Variants in FGFR3 observed in about 807,000 individuals in gnomAD.
The protein encoded by FGFR3 is fibroblast growth factor receptor 3, also known as FGFR-3.
FGFR3 carries 25 observed loss-of-function variants against 82.9 expected under a neutral mutation model. That is an observed-to-expected ratio of 0.30 (90% CI 0.22 to 0.42). The LOEUF (loss-of-function observed/expected upper bound fraction) is 0.42. Ranked by LOEUF, FGFR3 falls within the 10% of genes least tolerant of loss-of-function variation. The probability of loss-of-function intolerance (pLI) is 1.00; values close to 1 mark genes in which losing one functional copy is unlikely to be tolerated. For missense variants in FGFR3, 1,026 were observed against 1,161.0 expected (o/e 0.88, Z 1.69); for synonymous variants, 620 against 516.0 (o/e 1.20, Z -2.73).
chr4:1,801,775 G>T (rs907538224), intron 6 of FGFR3, 32 bp downstream of exon 6: 4 of 1,587,022 alleles, frequency 2.5e-6, no homozygotes, highest in Admixed American at 3.4e-5. Flanking sequence ...GGGGGTGGGG[G>T]CGGCAGTGGC....
chr4:1,801,452 A>AGCCTGCCT lies in FGFR3; in HGVS notation c.534_535insTGCCTGCC (p.Ala179CysfsTer14). 1 of 1,553,184 alleles carries AGCCTGCCT rather than the reference A, an allele frequency of 6.4e-7. No homozygotes were observed. Among genetic ancestry groups the AGCCTGCCT allele is most frequent in the African/African-American group, 1.4e-5 (1 of 73,352 alleles). ...CCAACACCGTCCGCTTCCGCTGCCC[A>AGCCTGCCT]GCCGCTGGCAACCCCACTCCCTCCA... On this transcript the variant is annotated frameshift_variant, in exon 5 of 18. Transcript: ENST00000440486. LOFTEE classifies it high-confidence loss of function.
chr4:1,807,080 CGGT>C, intron 17 of FGFR3, 33 bp from the exon 18 acceptor site: 1 of 1,556,742 alleles, frequency 6.4e-7, no homozygotes, highest in Non-Finnish European at 8.7e-7. Flanking sequence ...AAGAGGGGCT[CGGT>C]GGCACAGCGC....
At chr4:1,803,495 G>T in intron 7 of FGFR3, among the ~76,000 whole-genome samples, 197 bp from the exon 8 acceptor site, 1 of 152,258 alleles carries the variant, frequency 6.6e-6, no homozygotes, top group South Asian at 2.1e-4. Flanking sequence ...GCCGGTGGAG[G>T]GGCCTGGCTT....
intron 10 of FGFR3, 29 bp downstream of exon 10, chr4:1,804,998 T>G (rs2108800660): frequency 6.5e-7 from 1 of 1,531,168 alleles, no homozygotes; most frequent in East Asian, 2.4e-5. Context: ...CAGCGTTGGC[T>G]GTAGGGGGCT....
Position 1,799,409 on chromosome 4 carries a change from G to C in FGFR3, c.265G>C (p.Val89Leu), listed in dbSNP as rs1490206171. 2 of 1,611,978 alleles carry C rather than the reference G, an allele frequency of 1.2e-6. No individual in the cohort carries two copies. Among genetic ancestry groups the C allele is most frequent in the African/African-American group, 2.7e-5 (2 of 74,918 alleles). ...TGLVPSERVL[V>L]GPQRLQVLNA... ...GCTGGTGCCCTCGGAGCGTGTCCTGGTGGGGCCCCAGCGGCTGCAGGTGCT... is the reference window on the plus strand; with the variant it reads ...GCTGGTGCCCTCGGAGCGTGTCCTGCTGGGGCCCCAGCGGCTGCAGGTGCT... The change falls in exon 3 of 18, where the codon GTG (valine) becomes CTG (leucine). Residue 89 changes from valine to leucine, a missense_variant. Transcript: ENST00000440486.
chr4:1,804,454 C>G lies in FGFR3; in HGVS notation c.1200C>G (p.Ser400Arg). 1 of 1,612,388 alleles carries G rather than the reference C, an allele frequency of 6.2e-7. No individual in the cohort carries two copies. The highest frequency in any genetic ancestry group is 8.5e-7 in the Non-Finnish European group (1 of 1,179,548). The change falls in exon 9 of 18, where the codon AGC becomes AGG. Residue 400 changes from serine (S) to arginine (R), a missense_variant. Ser to Arg is a moderately radical substitution (Grantham distance 110). This residue lies in a region of FGFR3 where 256 missense variants were observed against 217.6 expected (regional missense o/e 1.18). Coordinates refer to ENST00000440486, the MANE Select transcript of FGFR3 (RefSeq NM_000142.5). ...VAAVTLCRLR[S>R]PPKKGLGSPT... ...CTGTGACGCTCTGCCGCCTGCGCAGCCCCCCCAAGAAAGGCCTGGGCTCCC... is the reference window on the plus strand; with the variant it reads ...CTGTGACGCTCTGCCGCCTGCGCAGGCCCCCCAAGAAAGGCCTGGGCTCCC...
rs4647926 is a variant in FGFR3 at position 1,804,285 on chromosome 4, TGGG to T, written c.1076-36_1076-34del. On this transcript the variant is annotated intron_variant, in intron 8 of 17. Transcript: ENST00000440486. ...GCCAGGGGCATCCATGGGAGCCCCG[TGGG>T]GGGGGGGGCCAGGCCAGGCCTCAAC... The T allele has an allele frequency of 4.6e-6, 6 of 1,298,650 alleles. No individual in the cohort carries two copies. The African/African-American group carries it at 9.2e-5, about 20-fold the overall frequency. The allele number at this position is 1,298,650 out of a possible 1,614,324, so 80.4% of individuals were successfully genotyped here.
chr4:1,798,838 C>G (rs1720844010), intron 2 of FGFR3, among the ~76,000 whole-genome samples: 1 of 152,324 alleles, frequency 6.6e-6, no homozygotes, highest in East Asian at 1.9e-4. Flanking sequence ...CCTTTGCCCG[C>G]AGCACCTGCC....
chr4:1,801,792 G>A (rs1210171518), intron 6 of FGFR3, 43 bp from the exon 7 acceptor site: 2 of 1,594,362 alleles, frequency 1.3e-6, no homozygotes, highest in Admixed American at 1.7e-5. Context: ...TGGCGGTGGT[G>A]GTGAGGGAGG....
chr4:1,807,398 T>TCC lies in FGFR3; in HGVS notation c.*136_*137insCC. On this transcript the variant is annotated 3_prime_UTR_variant, in exon 18 of 18. Coordinates refer to ENST00000440486, the MANE Select transcript of FGFR3 (RefSeq NM_000142.5). ...GAGCTTTGGTCTGTGTGTGTGTGTG[T>TCC]GCGTGTGTGTGTGTGTGTGTGCACA... 1 of 985,030 alleles carries TCC rather than the reference T, an allele frequency of 1.0e-6. No individual in the cohort carries two copies. The highest frequency in any genetic ancestry group is 1.4e-6 in the Non-Finnish European group (1 of 707,872). 61.0% of individuals were successfully genotyped at this position (985,030 alleles called of 1,614,324 possible).
Position 1,794,030 on chromosome 4 carries a change from G to A in FGFR3, c.96G>A (p.Val32=). The change falls in exon 2 of 18, where the codon GTG becomes GTA. Residue 32 remains valine (V), a synonymous_variant. Transcript: ENST00000440486. ...CCTTGGGGACGGAGCAGCGCGTCGT[G>A]GGGCGAGCGGCAGGTAAGAAGGGAC... ...SESLGTEQRV[V]GRAAEVPGPE... 1 of 1,411,206 alleles carries A rather than the reference G, an allele frequency of 7.1e-7. No homozygotes were observed. The highest frequency in any genetic ancestry group is 3.0e-5 in the East Asian group (1 of 33,884). The allele number at this position is 1,411,206 out of a possible 1,614,324, so 87.4% of individuals were successfully genotyped here.
intron 8 of FGFR3, 37 bp downstream of exon 8, chr4:1,803,873 C>T (rs1560428161): frequency 3.1e-6 from 5 of 1,598,636 alleles, no homozygotes; most frequent in South Asian, 1.1e-5. Flanking sequence ...TCCGCACTGT[C>T]TGGGGGACGC....
In FGFR3 at chr4:1,803,867, C is replaced by T. The variant is rs772892645; in HGVS notation, c.1075+31C>T. 3.1e-6 allele frequency: 5 copies of T among 1,606,226 alleles called. No individual in the cohort carries two copies. In the South Asian group the frequency reaches 4.4e-5, roughly 14 times the overall value. ...GGCTTCTGCTGCTGCTGCTGCTCCG[C>T]ACTGTCTGGGGGACGCTGGCTCGGG... is the stretch of plus-strand genomic sequence containing the variant. On this transcript the variant is annotated intron_variant, in intron 8 of 17. Transcript: ENST00000440486.
chr4:1,802,807 G>A (rs1395731109), intron 7 of FGFR3: 2 of 1,391,524 alleles, frequency 1.4e-6, no homozygotes, highest in Non-Finnish European at 1.9e-6. Context: ...CTTTGGGGCT[G>A]ACGCAGCCCA....
At position 1,807,351 on chromosome 4, in the gene FGFR3, C is replaced by T. The variant is rs1174283363; in HGVS notation, c.*89C>T. ...CCACTCCCCGGCATGAGACTCAGTGCAGATGGAGAGACAGCTACACAGAGC... is the reference window on the plus strand; with the variant it reads ...CCACTCCCCGGCATGAGACTCAGTGTAGATGGAGAGACAGCTACACAGAGC... On this transcript the variant is annotated 3_prime_UTR_variant, in exon 18 of 18. Transcript: ENST00000440486. The T allele has an allele frequency of 6.7e-6, 10 of 1,498,904 alleles. No homozygotes were observed. The highest frequency in any genetic ancestry group is 2.8e-5 in the African/African-American group (2 of 72,260). The allele number at this position is 1,498,904 out of a possible 1,614,324, so 92.9% of individuals were successfully genotyped here. A position where few individuals can be genotyped will look rare whatever the true frequency, so the allele number is the denominator to read the frequency against.
intron 4 of FGFR3, among the ~76,000 whole-genome samples, chr4:1,800,740 G>T (rs766684575): frequency 6.6e-6 from 1 of 152,148 alleles, no homozygotes; most frequent in African/African-American, 2.4e-5. Context: ...ATCCTTGCCT[G>T]GAGTCCCGGC....
chr4:1,793,549 A>C (rs946643444), intron 1 of FGFR3, 84 bp downstream of exon 1: 1 of 146,290 alleles, frequency 6.8e-6, no homozygotes, highest in Non-Finnish European at 1.5e-5. Context: ...GCGGAACCAC[A>C]GAGGTCCCTG....
At position 1,805,397 on chromosome 4, in the gene FGFR3, G is replaced by A. The variant is rs377021699; in HGVS notation, c.1455G>A (p.Gln485=). The change falls in exon 11 of 18, where the codon CAG becomes CAA. Residue 485 remains glutamine (Q), a synonymous_variant. Coordinates refer to ENST00000440486, the MANE Select transcript of FGFR3 (RefSeq NM_000142.5). ...GKPLGEGCFG[Q]VVMAEAIGID... Reference sequence around the variant, plus strand: ...CCCTTGGGGAGGGCTGCTTCGGCCAGGTGGTCATGGCGGAGGCCATCGGCA... The same window carrying A: ...CCCTTGGGGAGGGCTGCTTCGGCCAAGTGGTCATGGCGGAGGCCATCGGCA... The A allele has an allele frequency of 1.7e-5, 27 of 1,612,400 alleles. No homozygotes were observed. The highest frequency in any genetic ancestry group is 8.8e-5 in the South Asian group (8 of 91,038).
intron 2 of FGFR3, among the ~76,000 whole-genome samples, chr4:1,795,281 C>T (rs1306728097): frequency 6.6e-6 from 1 of 152,112 alleles, no homozygotes; most frequent in South Asian, 2.1e-4. Flanking sequence ...CTTTCGCATT[C>T]TCATTCAGAT....
Sources: gnomAD v4.1 joint callset for allele counts (sites outside exome capture counted in the v4.1 genomes callset) on GRCh38, gnomAD v4.1.1 for gene constraint, gnomAD v4.1.1 regional missense constraint, MANE v1.5 for transcripts, NCBI Gene and HGNC (gene_info 2026-07-23, HGNC 2026-07-21) for gene names.